The following UPK1B variants were observed in gnomAD, a reference collection of about 807,000 sequenced individuals.
The protein encoded by UPK1B is uroplakin-1b.
UPK1B carries 28 observed loss-of-function variants against 34.2 expected under a neutral mutation model. That is an observed-to-expected ratio of 0.82 (90% CI 0.61 to 1.12). The LOEUF (loss-of-function observed/expected upper bound fraction) is 1.12. Among genes scored for constraint, UPK1B ranks in the 50% most tolerant of loss-of-function variants. The pLI is 0.00. For missense variants in UPK1B, 325 were observed against 320.9 expected (o/e 1.01, Z -0.10); for synonymous variants, 81 against 110.4 (o/e 0.73, Z 1.67).
intron 1 of UPK1B, among the ~76,000 whole-genome samples, chr3:119,185,985 G>T (rs2078016098): frequency 6.6e-6 from 1 of 152,294 alleles, no homozygotes; most frequent in African/African-American, 2.4e-5. Flanking sequence ...GCCTAGCTCT[G>T]CCACTTACTG....
At chr3:119,201,059 T>C (rs2107438877) in intron 7 of UPK1B, among the ~76,000 whole-genome samples, 1 of 152,292 alleles carries the variant, frequency 6.6e-6, no homozygotes, top group Non-Finnish European at 1.5e-5. Context: ...TTTTTTTTAC[T>C]GCAAGTGCGT....
chr3:119,179,507 C>CT lies in UPK1B; in HGVS notation c.-29+5889dup, dbSNP rs71297415. Among the ~76,000 whole-genome samples, 66 of 52,254 alleles carry CT rather than the reference C, an allele frequency of 1.3e-3. 8 individuals are homozygous for CT. The highest frequency in any genetic ancestry group is 3.7e-3 in the South Asian group (6 of 1,620). The allele number at this position is 52,254 out of a possible 152,430, so 34.3% of individuals were successfully genotyped here. The stretch of plus-strand genomic sequence containing the variant: ...TTTGGGGAAGAGTTGATGTTGCAGT[C>CT]TTTTTTTTTTTTTTTTTTTTGAGAC... On this transcript the variant is annotated intron_variant, in intron 1 of 7. Coordinates refer to ENST00000264234, the MANE Select transcript of UPK1B (RefSeq NM_006952.4).
chr3:119,202,864 A>C (rs570781619), intron 7 of UPK1B, among the ~76,000 whole-genome samples: 2 of 152,316 alleles, frequency 1.3e-5, no homozygotes, highest in Non-Finnish European at 2.9e-5. Context: ...TGGCAAAAAG[A>C]GTTTAGCACA....
intron 7 of UPK1B, among the ~76,000 whole-genome samples, chr3:119,203,651 G>A (rs1042916827): frequency 5.9e-5 from 9 of 152,152 alleles, no homozygotes; most frequent in African/African-American, 2.2e-4. Context: ...GCCTGCTGAG[G>A]GGTGAGGAGT....
chr3:119,183,184 G>A (rs1324841131), intron 1 of UPK1B, among the ~76,000 whole-genome samples: 1 of 152,116 alleles, frequency 6.6e-6, no homozygotes, highest in African/African-American at 2.4e-5. Context: ...CTGGCGCCAG[G>A]CAGACCTGTG....
At chr3:119,176,826 C>T (rs867065935) in intron 1 of UPK1B, among the ~76,000 whole-genome samples, 2 of 152,170 alleles carry the variant, frequency 1.3e-5, no homozygotes, top group Middle Eastern at 3.4e-3. Context: ...TTCAGAAGAC[C>T]ACATATCTAA....
intron 7 of UPK1B, among the ~76,000 whole-genome samples, chr3:119,203,355 A>AAACCAAAAAC (rs1559905303): frequency 6.8e-6 from 1 of 147,570 alleles, no homozygotes; most frequent in African/African-American, 2.5e-5. Context: ...AAAAAAAAAA[A>AAACCAAAAAC]AAAAAAAAAA....
intron 1 of UPK1B, among the ~76,000 whole-genome samples, chr3:119,173,862 T>C (rs777922691): frequency 6.6e-6 from 1 of 152,238 alleles, no homozygotes; most frequent in Admixed American, 6.5e-5. Context: ...GATATAAGTC[T>C]TGTTCTCATT....
chr3:119,199,479 C>T (rs1340337695), intron 7 of UPK1B, among the ~76,000 whole-genome samples: 1 of 152,208 alleles, frequency 6.6e-6, no homozygotes, highest in East Asian at 1.9e-4. Context: ...TTCATTTCAT[C>T]CACATATCAA....
In UPK1B at chr3:119,199,091, G is replaced by C. The variant is rs769046663; in HGVS notation, c.683G>C (p.Arg228Pro). ...CYELISGPMN[R>P]HAWGVAWFGF... ...GAACTGATCTCTGGTCCAATGAACC[G>C]ACACGCCTGGGGGGTTGCCTGGTTT... The change falls in exon 7 of 8, where the codon CGA (arginine) becomes CCA (proline). Residue 228 changes from arginine to proline, a missense_variant. Transcript: ENST00000264234. 2.5e-6 allele frequency: 4 copies of C among 1,614,136 alleles called. No individual in the cohort carries two copies. Among genetic ancestry groups the C allele is most frequent in the Non-Finnish European group, 3.4e-6 (4 of 1,180,004 alleles).
rs569667597 is a variant in UPK1B, at chr3:119,204,747, G to C, written c.*780G>C. The stretch of plus-strand genomic sequence containing the variant: ...AAAAATTAGCCAGGCGTGATGGCAG[G>C]TGCCTGTAATCCTAGCTACTTGGCA... On this transcript the variant is annotated 3_prime_UTR_variant, in exon 8 of 8. Transcript: ENST00000264234. 6.6e-6 allele frequency: 1 copy of C among 152,336 alleles called. No homozygotes were observed. The highest frequency in any genetic ancestry group is 2.4e-5 in the African/African-American group (1 of 41,444). The allele number at this position is 152,336 out of a possible 1,614,324, so 9.4% of individuals were successfully genotyped here. A position where few individuals can be genotyped will look rare whatever the true frequency, so the allele number is the denominator to read the frequency against.
chr3:119,175,161 G>A (rs2077950216), intron 1 of UPK1B, among the ~76,000 whole-genome samples: 1 of 151,104 alleles, frequency 6.6e-6, no homozygotes, highest in African/African-American at 2.4e-5. Context: ...CCGAGTAGCT[G>A]GGACTACAGG....
Position 119,203,926 on chromosome 3 carries a change from C to T in UPK1B, c.742C>T (p.Leu248Phe). 6.2e-7 allele frequency: 1 copy of T among 1,613,988 alleles called. No homozygotes were observed. Among genetic ancestry groups the T allele is most frequent in the Non-Finnish European group, 8.5e-7 (1 of 1,179,970 alleles). The change falls in exon 8 of 8, where the codon CTC becomes TTC. Residue 248 changes from leucine (L) to phenylalanine (F), a missense_variant. Physicochemically the swap from Leu to Phe is conservative, Grantham distance 22. Coordinates refer to ENST00000264234, the MANE Select transcript of UPK1B (RefSeq NM_006952.4). ...TTTTTTTCTATTCCAGTTTTGGGTT[C>T]TCCTGGGTACCATGTTCTACTGGAG... ...FAILCWTFWV[L>F]LGTMFYWSRI...
intron 7 of UPK1B, among the ~76,000 whole-genome samples, chr3:119,201,094 A>C (rs1019864087): frequency 4.6e-5 from 7 of 152,134 alleles, no homozygotes; most frequent in Non-Finnish European, 5.9e-5. Flanking sequence ...AATGATCACT[A>C]ACAAAGTTTA....
intron 3 of UPK1B, among the ~76,000 whole-genome samples, chr3:119,189,369 C>T (rs2078034040): frequency 6.6e-6 from 1 of 152,230 alleles, no homozygotes; most frequent in African/African-American, 2.4e-5. Context: ...TCCCTGCCTA[C>T]CCTGCTGACA....
intron 1 of UPK1B, among the ~76,000 whole-genome samples, chr3:119,183,762 C>A (rs2078000174): frequency 6.6e-6 from 1 of 152,176 alleles, no homozygotes; most frequent in African/African-American, 2.4e-5. Context: ...ACCTGAAAAA[C>A]CCATCTCTCA....
rs1289328542 is a variant in UPK1B, at chr3:119,186,809, G to A, written c.68G>A (p.Gly23Asp). 6.2e-7 allele frequency: 1 copy of A among 1,613,888 alleles called. No individual in the cohort carries two copies. The highest frequency in any genetic ancestry group is 8.5e-7 in the Non-Finnish European group (1 of 1,179,816). Residue 23 changes from glycine (G) to aspartate (D), a missense_variant and splice_region_variant, in exon 2 of 8, where the codon GGT becomes GAT. Coordinates refer to ENST00000264234, the MANE Select transcript of UPK1B (RefSeq NM_006952.4). ...CTGATTTTTGGAAATGTGATTATTG[G>A]TGTAAGTAATGATTATTTTCCAGGA... ...GLLIFGNVII[G>D]CCGIALTAEC...
intron 5 of UPK1B, among the ~76,000 whole-genome samples, chr3:119,191,677 T>C (rs1576870220): frequency 6.6e-6 from 1 of 152,328 alleles, no homozygotes; most frequent in South Asian, 2.1e-4. Context: ...ACTCCTTCTA[T>C]GAACTCTTTA....
intron 6 of UPK1B, among the ~76,000 whole-genome samples, chr3:119,196,233 C>A (rs2078066888): frequency 6.6e-6 from 1 of 152,080 alleles, no homozygotes; most frequent in African/African-American, 2.4e-5. Context: ...CTCCCAGATT[C>A]CCACACACCA....
Sources: gnomAD v4.1 joint callset for allele counts (sites outside exome capture counted in the v4.1 genomes callset) on GRCh38, gnomAD v4.1.1 for gene constraint, MANE v1.5 for transcripts, NCBI Gene and HGNC (gene_info 2026-07-23, HGNC 2026-07-21) for gene names.